The following NRXN3 variants were observed in gnomAD, a reference collection of about 807,000 sequenced individuals.
The protein encoded by NRXN3 is neurexin 3.
In NRXN3, 32 loss-of-function variants were observed where a neutral mutation model predicts 137.6. The observed-to-expected ratio is 0.23, with a 90% CI of 0.18 to 0.31. The LOEUF is 0.31. NRXN3 is among the 10% of genes least tolerant of loss of function. The pLI, the probability that NRXN3 is intolerant of heterozygous loss-of-function variation, is 1.00. For missense variants in NRXN3, 1,574 were observed against 2,062.5 expected (o/e 0.76, Z 4.59); for synonymous variants, 798 against 784.5 (o/e 1.02, Z -0.29).
At chr14:78,847,936 C>G (rs546316575) in intron 10 of NRXN3, among the ~76,000 whole-genome samples, 43 of 152,196 alleles carry the variant, frequency 2.8e-4, no homozygotes, top group African/African-American at 1.0e-3. Flanking sequence ...GTTAGGCTGT[C>G]TTTTCACATG....
chr14:78,547,520 G>A (rs999183455), intron 4 of NRXN3, among the ~76,000 whole-genome samples: 4 of 151,962 alleles, frequency 2.6e-5, no homozygotes, highest in African/African-American at 4.8e-5. Flanking sequence ...TAAAGTAGCC[G>A]ATGGGATCCT....
intron 4 of NRXN3, among the ~76,000 whole-genome samples, chr14:78,512,565 A>G (rs573883785): frequency 5.9e-5 from 9 of 152,294 alleles, no homozygotes; most frequent in Admixed American, 3.9e-4. Flanking sequence ...GATTTTGTAA[A>G]AACAAAACAA....
intron 4 of NRXN3, among the ~76,000 whole-genome samples, chr14:78,613,565 T>A (rs1465842516): frequency 6.7e-6 from 1 of 148,602 alleles, no homozygotes; most frequent in Non-Finnish European, 1.5e-5. Context: ...GAGAAAACTG[T>A]CTCACAACCA....
chr14:79,516,524 A>C (rs2096986379), intron 16 of NRXN3, among the ~76,000 whole-genome samples: 1 of 152,190 alleles, frequency 6.6e-6, no homozygotes, highest in African/African-American at 2.4e-5. Context: ...TCTCCTGGCT[A>C]TTATGATGGG....
chr14:79,095,360 A>C (rs757259659), intron 15 of NRXN3, among the ~76,000 whole-genome samples: 1 of 152,158 alleles, frequency 6.6e-6, no homozygotes, highest in Non-Finnish European at 1.5e-5. Context: ...TAAGTTAGCT[A>C]TGCTTTTCCC....
Position 79,145,491 on chromosome 14 carries a change from T to C in NRXN3, c.3262+157350T>C, listed in dbSNP as rs115717460. On this transcript the variant is annotated intron_variant, in intron 15 of 20. Coordinates refer to ENST00000335750, the MANE Select transcript of NRXN3 (RefSeq NM_001330195.2). ...CAGACTGTTATAAATGTTGGGATCCTATGAAGTACTGTGGAGAGTATTTAA... is the reference window on the plus strand; with the variant it reads ...CAGACTGTTATAAATGTTGGGATCCCATGAAGTACTGTGGAGAGTATTTAA... Among the ~76,000 whole-genome samples, 1,043 of 152,288 alleles carry C rather than the reference T, an allele frequency of 6.8e-3. 14 individuals carry two copies. The highest frequency in any genetic ancestry group is 0.023 in the African/African-American group (941 of 41,566).
intron 4 of NRXN3, among the ~76,000 whole-genome samples, chr14:78,498,506 C>T (rs2153768481): frequency 6.6e-6 from 1 of 152,178 alleles, no homozygotes; most frequent in African/African-American, 2.4e-5. Flanking sequence ...GCAGACAGGG[C>T]TAGTCTTTTT....
chr14:78,496,878 AACTTGT>A (rs1231279648), intron 4 of NRXN3, among the ~76,000 whole-genome samples: 1 of 152,052 alleles, frequency 6.6e-6, no homozygotes, highest in East Asian at 1.9e-4. Flanking sequence ...GAAGGACTCC[AACTTGT>A]ACTTTGAGTT....
At position 79,351,187 on chromosome 14, in the gene NRXN3, C is replaced by T. The variant is rs913887513; in HGVS notation, c.3263-116034C>T. Among the ~76,000 whole-genome samples, 7 of 152,220 alleles carry T rather than the reference C, an allele frequency of 4.6e-5. No homozygotes were observed. In the South Asian group the frequency reaches 6.2e-4, roughly 14 times the overall value. On this transcript the variant is annotated intron_variant, in intron 15 of 20. Transcript: ENST00000335750. ...GACCAACTAATCTCTGATAATGTAACGAAGGTTATAATAAATCCCTTCCAG... is the reference window on the plus strand; with the variant it reads ...GACCAACTAATCTCTGATAATGTAATGAAGGTTATAATAAATCCCTTCCAG...
At chr14:78,983,561 TA>T in intron 14 of NRXN3, among the ~76,000 whole-genome samples, 1 of 151,760 alleles carries the variant, frequency 6.6e-6, no homozygotes, top group Middle Eastern at 3.4e-3. Flanking sequence ...TATTCAGCCT[TA>T]AAAAAAAGTG....
intron 15 of NRXN3, among the ~76,000 whole-genome samples, chr14:79,340,899 CTCTT>C (rs1477363135): frequency 1.3e-5 from 2 of 152,146 alleles, no homozygotes; most frequent in East Asian, 1.9e-4. Flanking sequence ...AGAAATAAGC[CTCTT>C]TCTTTTAGTA....
intron 14 of NRXN3, among the ~76,000 whole-genome samples, chr14:78,986,703 C>G (rs906956473): frequency 4.6e-5 from 7 of 152,014 alleles, no homozygotes; most frequent in Non-Finnish European, 1.5e-5. Context: ...TTTGCATGCT[C>G]CAGCGCATGC....
chr14:79,853,177 C>T (rs749306775), intron 20 of NRXN3, among the ~76,000 whole-genome samples: 1 of 152,088 alleles, frequency 6.6e-6, no homozygotes, highest in Non-Finnish European at 1.5e-5. Flanking sequence ...CTTAGTAGTG[C>T]GTCTCAATCA....
intron 10 of NRXN3, among the ~76,000 whole-genome samples, chr14:78,870,495 A>G (rs1261065540): frequency 6.6e-6 from 1 of 152,262 alleles, no homozygotes; most frequent in East Asian, 1.9e-4. Context: ...GGTATCCATC[A>G]CCTCAAGCAT....
At chr14:79,766,464 TGG>T (rs1344078916) in intron 19 of NRXN3, among the ~76,000 whole-genome samples, 2 of 152,234 alleles carry the variant, frequency 1.3e-5, no homozygotes, top group Non-Finnish European at 2.9e-5. Context: ...CATGATCAGA[TGG>T]TGGCAAGAGC....
intron 6 of NRXN3, among the ~76,000 whole-genome samples, chr14:78,676,468 A>G (rs1020655814): frequency 1.3e-5 from 2 of 152,146 alleles, no homozygotes; most frequent in Non-Finnish European, 2.9e-5. Flanking sequence ...CAATGCCCTA[A>G]TGCTTGAGTT....
chr14:78,731,420 T>C (rs1010511775), intron 8 of NRXN3, among the ~76,000 whole-genome samples: 1 of 152,076 alleles, frequency 6.6e-6, no homozygotes, highest in African/African-American at 2.4e-5. Flanking sequence ...GGAAGTTTAT[T>C]AATTCAACTT....
intron 15 of NRXN3, among the ~76,000 whole-genome samples, chr14:79,015,480 C>T (rs1274503191): frequency 6.6e-6 from 1 of 152,096 alleles, no homozygotes; most frequent in Admixed American, 6.5e-5. Context: ...ACAGACAACC[C>T]ATGGGTCTTG....
chr14:79,067,586 A>C (rs1029873190), intron 15 of NRXN3, among the ~76,000 whole-genome samples: 3 of 152,002 alleles, frequency 2.0e-5, no homozygotes, highest in South Asian at 4.1e-4. Context: ...CTGTGAATCT[A>C]TCTGGTCCTG....
Sources: allele counts gnomAD v4.1 joint callset (sites outside exome capture counted in the v4.1 genomes callset), GRCh38; gene constraint gnomAD v4.1.1; transcripts MANE v1.5; gene names NCBI Gene and HGNC (gene_info 2026-07-23, HGNC 2026-07-21).